THSD4: variants seen among roughly 807,000 people sequenced by gnomAD.
The protein encoded by THSD4 is thrombospondin type-1 domain-containing protein 4.
Under a neutral mutation model 119.0 loss-of-function variants are expected in THSD4, and 69 were observed. The ratio of observed to expected loss-of-function variants is 0.58; its 90% CI spans 0.48 to 0.71. The LOEUF (loss-of-function observed/expected upper bound fraction) is 0.71. Among genes scored for constraint, THSD4 ranks in the 30% least tolerant of loss-of-function variants. THSD4 has a pLI of 0.00. For synonymous variants in THSD4, 524 were observed against 540.4 expected, an observed-to-expected ratio of 0.97 and a Z score of 0.42; for missense variants, 1,393 against 1,391.1, an observed-to-expected ratio of 1.00 and a Z score of -0.02.
intron 3 of THSD4, among the ~76,000 whole-genome samples, chr15:71,195,607 T>G (rs1301575669): frequency 2.6e-5 from 4 of 152,156 alleles, no homozygotes; most frequent in Non-Finnish European, 5.9e-5. Context: ...AGAGAGACCT[T>G]AGATACCAGG....
chr15:71,736,858 C>CT (rs1359021970), intron 10 of THSD4, among the ~76,000 whole-genome samples: 1 of 152,212 alleles, frequency 6.6e-6, no homozygotes. Context: ...CATCTAAGGA[C>CT]TTGGCTACTC....
intron 1 of THSD4, among the ~76,000 whole-genome samples, chr15:71,117,768 G>C (rs2040375220): frequency 6.6e-6 from 1 of 152,166 alleles, no homozygotes; most frequent in African/African-American, 2.4e-5. Flanking sequence ...TGGCTCCCCA[G>C]TATTCACTTC....
In THSD4 at chr15:71,777,344, C is replaced by T; in HGVS notation, c.3027C>T (p.Asn1009=). ...ACCASCTRVA[N]RQTGFLGSR ...GTGCCTCCTGCACCCGTGTGGCCAA[C>T]AGGCAGACGGGCTTCCTGGGGAGCA... Residue 1009 remains asparagine (N), a synonymous_variant, in exon 18 of 18, where the codon AAC becomes AAT. Coordinates refer to ENST00000261862, the MANE Select transcript of THSD4 (RefSeq NM_024817.3). The T allele has an allele frequency of 6.2e-7, 1 of 1,614,192 alleles. No homozygotes were observed. Among genetic ancestry groups the T allele is most frequent in the Non-Finnish European group, 8.5e-7 (1 of 1,180,032 alleles).
chr15:71,226,354 G>T (rs2044018018), intron 4 of THSD4, among the ~76,000 whole-genome samples: 1 of 152,156 alleles, frequency 6.6e-6, no homozygotes, highest in South Asian at 2.1e-4. Context: ...CCATGTTCAT[G>T]TGTGTACAGG....
intron 7 of THSD4, among the ~76,000 whole-genome samples, chr15:71,655,159 T>G (rs1490111091): frequency 6.6e-6 from 1 of 152,242 alleles, no homozygotes; most frequent in Non-Finnish European, 1.5e-5. Flanking sequence ...CACTGGTCTT[T>G]GTAACAGCAA....
Position 71,228,816 on chromosome 15 carries a change from A to G in THSD4, c.464+13417A>G, listed in dbSNP as rs150606589. On this transcript the variant is annotated intron_variant, in intron 4 of 17. Transcript: ENST00000261862. ...TTTCCCCATTTATGGTTTAGCTTCC[A>G]AGCACACAATATATTTTATCTTCCC... is the stretch of plus-strand genomic sequence containing the variant. Among the ~76,000 whole-genome samples the G allele has an allele frequency of 7.2e-5, 11 of 152,314 alleles. No individual in the cohort carries two copies. The East Asian group carries it at 1.9e-3, about 27-fold the overall frequency.
At chr15:71,289,977 G>A (rs1028956292) in intron 6 of THSD4, among the ~76,000 whole-genome samples, 3 of 152,096 alleles carry the variant, frequency 2.0e-5, no homozygotes, top group African/African-American at 7.2e-5. Flanking sequence ...GCCCGGGCAT[G>A]GGGGGAGTAT....
At chr15:71,525,956 A>C (rs1234198378) in intron 7 of THSD4, among the ~76,000 whole-genome samples, 1 of 152,204 alleles carries the variant, frequency 6.6e-6, no homozygotes, top group Non-Finnish European at 1.5e-5. Flanking sequence ...CGACACACGC[A>C]GACACTCAGT....
Position 71,249,484 on chromosome 15 carries a change from G to A in THSD4, c.912+6388G>A, listed in dbSNP as rs571015519. Among the ~76,000 whole-genome samples the A allele has an allele frequency of 2.7e-5, 4 of 146,324 alleles. No homozygotes were observed. In the South Asian group the frequency reaches 8.7e-4, roughly 32 times the overall value. The stretch of plus-strand genomic sequence containing the variant: ...ACAGTTGTCATTTTTCATGATTATA[G>A]AAAGTTGTTCTCTTATTGACTTCAT... On this transcript the variant is annotated intron_variant, in intron 5 of 17. Transcript: ENST00000261862.
chr15:71,168,862 C>T (rs1280221493), intron 3 of THSD4, among the ~76,000 whole-genome samples: 3 of 152,140 alleles, frequency 2.0e-5, no homozygotes, highest in African/African-American at 7.2e-5. Context: ...AACAGTAATG[C>T]TCCTAGAGGA....
chr15:71,283,264 C>T (rs945105762), intron 6 of THSD4, among the ~76,000 whole-genome samples: 10 of 152,148 alleles, frequency 6.6e-5, no homozygotes, highest in South Asian at 2.1e-4. Flanking sequence ...CCATCGCGCC[C>T]GGCCAGGTCA....
intron 8 of THSD4, among the ~76,000 whole-genome samples, chr15:71,711,083 G>GTATATATA (rs56201476): frequency 6.9e-4 from 89 of 128,190 alleles, no homozygotes; most frequent in Middle Eastern, 3.7e-3. Context: ...ATATATATAT[G>GTATATATA]TATATATATA....
At chr15:71,747,982 AT>A (rs968548154) in intron 13 of THSD4, among the ~76,000 whole-genome samples, 34 of 152,148 alleles carry the variant, frequency 2.2e-4, no homozygotes, top group African/African-American at 8.0e-4. Context: ...CCTGTTTATA[AT>A]TTGGTATCTT....
intron 7 of THSD4, among the ~76,000 whole-genome samples, chr15:71,643,694 T>C (rs940183280): frequency 3.6e-4 from 55 of 152,228 alleles, no homozygotes; most frequent in African/African-American, 1.3e-3. Flanking sequence ...CTAACTCTTA[T>C]ACAGGCATTT....
intron 1 of THSD4, among the ~76,000 whole-genome samples, chr15:71,132,275 C>T (rs936335700): frequency 5.9e-5 from 9 of 152,104 alleles, no homozygotes; most frequent in Non-Finnish European, 7.4e-5. Context: ...TTTTATACAA[C>T]GGTGTTCATC....
chr15:71,748,806 T>C (rs2053390755), intron 14 of THSD4, among the ~76,000 whole-genome samples: 1 of 152,208 alleles, frequency 6.6e-6, no homozygotes, highest in South Asian at 2.1e-4. Flanking sequence ...AAAACTTGAT[T>C]GAATTCTCCT....
intron 7 of THSD4, among the ~76,000 whole-genome samples, chr15:71,590,116 G>A (rs2049765919): frequency 7.2e-6 from 1 of 138,884 alleles, no homozygotes; most frequent in South Asian, 2.3e-4. Context: ...AGAGGGGAAT[G>A]GAGTTGAGGG....
At chr15:71,299,185 C>G (rs2044910171) in intron 6 of THSD4, among the ~76,000 whole-genome samples, 1 of 152,194 alleles carries the variant, frequency 6.6e-6, no homozygotes. Flanking sequence ...AGTTTTAAAA[C>G]TTAAGCCATT....
intron 7 of THSD4, among the ~76,000 whole-genome samples, chr15:71,415,115 C>T (rs1470587131): frequency 6.6e-6 from 1 of 152,214 alleles, no homozygotes; most frequent in Non-Finnish European, 1.5e-5. Context: ...TGTGCGTCTG[C>T]ATCTGAAATA....
Sources: gnomAD v4.1 joint callset for allele counts (sites outside exome capture counted in the v4.1 genomes callset) on GRCh38, gnomAD v4.1.1 for gene constraint, MANE v1.5 for transcripts, NCBI Gene and HGNC (gene_info 2026-07-23, HGNC 2026-07-21) for gene names.